The following DCTN5 variants were observed in gnomAD, a reference collection of about 807,000 sequenced individuals.
The protein encoded by DCTN5 is dynactin subunit 5.
A neutral mutation model predicts 23.5 loss-of-function variants in DCTN5; 14 were observed. The observed-to-expected ratio is 0.60, with a 90% CI of 0.39 to 0.93. DCTN5 has a LOEUF of 0.93. Among genes scored for constraint, DCTN5 ranks in the 40% least tolerant of loss-of-function variants. DCTN5 has a pLI of 0.00. For missense variants in DCTN5, 156 were observed against 225.9 expected (o/e 0.69, Z 1.98); for synonymous variants, 67 against 79.6 (o/e 0.84, Z 0.84).
At chr16:23,653,375 T>G (rs1181780960) in intron 2 of DCTN5, among the ~76,000 whole-genome samples, 1 of 152,064 alleles carries the variant, frequency 6.6e-6, no homozygotes, top group African/African-American at 2.4e-5. Context: ...TGGAACAGAA[T>G]AGAAAACCCA....
chr16:23,664,456 C>T (rs1050650579), intron 4 of DCTN5, among the ~76,000 whole-genome samples: 1 of 152,216 alleles, frequency 6.6e-6, no homozygotes, highest in African/African-American at 2.4e-5. Flanking sequence ...GAGGTCTGGA[C>T]TGGTTAGCAT....
chr16:23,665,219 G>A (rs1351372457), intron 4 of DCTN5, among the ~76,000 whole-genome samples: 1 of 152,150 alleles, frequency 6.6e-6, no homozygotes, highest in South Asian at 2.1e-4. Flanking sequence ...TGTGGGCTGG[G>A]GGGTGAAGCA....
chr16:23,646,645 C>T (rs532795710), intron 2 of DCTN5, among the ~76,000 whole-genome samples: 21 of 151,982 alleles, frequency 1.4e-4, no homozygotes, highest in African/African-American at 4.1e-4. Flanking sequence ...GGTGCAATCT[C>T]GGCTCACTGC....
At chr16:23,648,355 T>C (rs925566108) in intron 2 of DCTN5, among the ~76,000 whole-genome samples, 36 of 146,666 alleles carry the variant, frequency 2.5e-4, no homozygotes, top group East Asian at 9.8e-4. Context: ...TTTTTTTTTT[T>C]TTTTTTTTTT....
At chr16:23,651,260 C>T in intron 2 of DCTN5, 1 of 953,950 alleles carries the variant, frequency 1.0e-6, no homozygotes. Context: ...CACCTCCTTT[C>T]ATTTGCTTCT....
chr16:23,662,488 T>C (rs1967832435), intron 4 of DCTN5, among the ~76,000 whole-genome samples: 1 of 152,200 alleles, frequency 6.6e-6, no homozygotes, highest in Non-Finnish European at 1.5e-5. Flanking sequence ...GGAAAGTGTT[T>C]TCTGCATTTT....
chr16:23,661,247 G>C lies in DCTN5; in HGVS notation c.314G>C (p.Gly105Ala). 6.2e-7 allele frequency: 1 copy of C among 1,612,374 alleles called. No individual in the cohort carries two copies. Among genetic ancestry groups the C allele is most frequent in the South Asian group, 1.1e-5 (1 of 90,570 alleles). ...EDCVVNAAQI[G>A]SYVHVGKNCV... ...TGTGTGGTCAACGCAGCACAGATTG[G>C]TTCCTATGTTCATGTTGGGAAGAAC... Residue 105 changes from glycine (G) to alanine (A), a missense_variant, in exon 4 of 6, where the codon GGT becomes GCT. This residue lies in a region of DCTN5 where 153 missense variants were observed against 206.8 expected (regional missense o/e 0.74). Coordinates refer to ENST00000300087, the MANE Select transcript of DCTN5 (RefSeq NM_032486.4).
intron 3 of DCTN5, among the ~76,000 whole-genome samples, chr16:23,660,765 A>T (rs1194882770): frequency 6.6e-6 from 1 of 152,204 alleles, no homozygotes; most frequent in African/African-American, 2.4e-5. Context: ...AATTTTTAGA[A>T]TGCTGAATGT....
intron 2 of DCTN5, among the ~76,000 whole-genome samples, chr16:23,648,260 A>T (rs957554397): frequency 6.6e-6 from 1 of 151,824 alleles, no homozygotes; most frequent in Non-Finnish European, 1.5e-5. Context: ...GGCCAGGCTC[A>T]GGCGAACCTC....
chr16:23,665,441 A>C (rs186190379), intron 4 of DCTN5, among the ~76,000 whole-genome samples, 185 bp from the exon 5 acceptor site: 1 of 152,204 alleles, frequency 6.6e-6, no homozygotes, highest in African/African-American at 2.4e-5. Flanking sequence ...CGAAATGTAC[A>C]CAAACACACA....
At chr16:23,652,501 T>C (rs1016571512) in intron 2 of DCTN5, among the ~76,000 whole-genome samples, 2 of 152,246 alleles carry the variant, frequency 1.3e-5, no homozygotes, top group East Asian at 1.9e-4. Context: ...CAATCATCTT[T>C]ATTGAGGTAT....
intron 2 of DCTN5, among the ~76,000 whole-genome samples, chr16:23,645,124 TATATATATATA>T (rs1211793006): frequency 0.012 from 467 of 39,920 alleles, 38 homozygotes; most frequent in Non-Finnish European, 0.016. Context: ...TATATATATA[TATATATATATA>T]TATTTTTTTT....
intron 2 of DCTN5, among the ~76,000 whole-genome samples, chr16:23,655,115 G>C (rs561299618): frequency 1.1e-4 from 17 of 152,060 alleles, no homozygotes; most frequent in Non-Finnish European, 2.1e-4. Flanking sequence ...GCAGCATAAT[G>C]TTTTTGAGAT....
rs1959235407 is a variant in DCTN5, at chr16:23,677,312, G to A, written c.*10168G>A. 2 of 152,182 alleles carry A rather than the reference G, an allele frequency of 1.3e-5. No homozygotes were observed. The highest frequency in any genetic ancestry group is 4.1e-4 in the South Asian group (2 of 4,830). The allele number at this position is 152,182 out of a possible 1,614,324, so 9.4% of individuals were successfully genotyped here. Reference sequence around the variant, plus strand: ...ACAGGGCACAAGGGAGACTTGCAGGGTGTTTGTCATGTTCCCTTTCTCAAT... The same window carrying A: ...ACAGGGCACAAGGGAGACTTGCAGGATGTTTGTCATGTTCCCTTTCTCAAT... On this transcript the variant is annotated 3_prime_UTR_variant, in exon 6 of 6. Coordinates refer to ENST00000300087, the MANE Select transcript of DCTN5 (RefSeq NM_032486.4).
intron 2 of DCTN5, among the ~76,000 whole-genome samples, chr16:23,644,582 G>C (rs1434433741): frequency 6.6e-6 from 1 of 151,714 alleles, no homozygotes; most frequent in Non-Finnish European, 1.5e-5. Flanking sequence ...TTACAGGCGT[G>C]AGCCACCGCG....
intron 1 of DCTN5, 22 bp from the exon 2 acceptor site, chr16:23,642,933 G>A (rs1567227310): frequency 6.2e-7 from 1 of 1,612,326 alleles, no homozygotes; most frequent in Admixed American, 1.7e-5. Context: ...GCTTTCCCCG[G>A]TTTTCCGTTG....
At chr16:23,645,114 TATATATATA>T (rs1967413680) in intron 2 of DCTN5, among the ~76,000 whole-genome samples, 3 of 40,720 alleles carry the variant, frequency 7.4e-5, no homozygotes, top group African/African-American at 2.0e-4. Context: ...TATATATATA[TATATATATA>T]TATATATATA....
At position 23,668,714 on chromosome 16, in the gene DCTN5, C is replaced by G. The variant is rs1159131002; in HGVS notation, c.*1570C>G. 1 of 152,246 alleles carries G rather than the reference C, an allele frequency of 6.6e-6. No individual in the cohort carries two copies. Among genetic ancestry groups the G allele is most frequent in the East Asian group, 1.9e-4 (1 of 5,202 alleles). The allele number at this position is 152,246 out of a possible 1,614,324, so 9.4% of individuals were successfully genotyped here. ...GCCTCTTTGTTGGCTTCCTTTCCTC[C>G]TGCTGCACATGAGCCTTCGCCGTGC... On this transcript the variant is annotated 3_prime_UTR_variant, in exon 6 of 6. Transcript: ENST00000300087.
intron 2 of DCTN5, 59 bp downstream of exon 2, chr16:23,643,082 C>T: frequency 7.2e-7 from 1 of 1,381,362 alleles, no homozygotes; most frequent in Non-Finnish European, 1.0e-6. Flanking sequence ...CTAATTGTCA[C>T]CACAGCAGGG....
Sources: allele counts gnomAD v4.1 joint callset (sites outside exome capture counted in the v4.1 genomes callset), GRCh38; gene constraint gnomAD v4.1.1; regional missense constraint gnomAD v4.1.1; transcripts MANE v1.5; gene names NCBI Gene and HGNC (gene_info 2026-07-23, HGNC 2026-07-21).